The following SHANK2 variants were observed in gnomAD, a reference collection of about 807,000 sequenced individuals.
The protein encoded by SHANK2 is SH3 and multiple ankyrin repeat domains 2.
SHANK2 carries 43 observed loss-of-function variants against 133.7 expected under a neutral mutation model. The ratio of observed to expected loss-of-function variants is 0.32; its 90% CI spans 0.25 to 0.41. SHANK2 has a LOEUF of 0.41. SHANK2 is among the 10% of genes least tolerant of loss of function. The probability of loss-of-function intolerance (pLI) is 1.00; values close to 1 mark genes in which losing one functional copy is unlikely to be tolerated. For synonymous variants in SHANK2, 1,017 were observed against 952.8 expected (o/e 1.07, Z -1.24); for missense variants, 1,994 against 2,235.8 (o/e 0.89, Z 2.18).
intron 14 of SHANK2, among the ~76,000 whole-genome samples, chr11:70,764,510 T>C: frequency 7.3e-6 from 1 of 137,812 alleles, no homozygotes; most frequent in African/African-American, 2.8e-5. Context: ...CTCTCTCTTC[T>C]ATCCATCTAT....
At chr11:70,732,147 C>T (rs1322756341) in intron 14 of SHANK2, among the ~76,000 whole-genome samples, 5 of 152,190 alleles carry the variant, frequency 3.3e-5, no homozygotes, top group Non-Finnish European at 7.3e-5. Flanking sequence ...CCCTGACACA[C>T]TACAGGCTGC....
chr11:70,499,791 AG>A (rs1418339714), intron 21 of SHANK2, among the ~76,000 whole-genome samples: 2 of 152,220 alleles, frequency 1.3e-5, no homozygotes, highest in African/African-American at 4.8e-5. Context: ...GGGATGACAC[AG>A]GTCGGGACAG....
At chr11:71,123,411 G>A (rs1344654105) in intron 3 of SHANK2, among the ~76,000 whole-genome samples, 1 of 152,192 alleles carries the variant, frequency 6.6e-6, no homozygotes, top group Non-Finnish European at 1.5e-5. Context: ...AGTAAGTGAC[G>A]CTGCTTGGTA....
intron 6 of SHANK2, among the ~76,000 whole-genome samples, chr11:71,100,748 T>G (rs1454791551): frequency 6.6e-6 from 1 of 151,674 alleles, no homozygotes; most frequent in Non-Finnish European, 1.5e-5. Flanking sequence ...ACGCCTGTAG[T>G]CCCAGCTACT....
At chr11:70,846,494 G>A (rs782382623) in intron 11 of SHANK2, among the ~76,000 whole-genome samples, 13 of 152,134 alleles carry the variant, frequency 8.5e-5, no homozygotes, top group South Asian at 4.2e-4. Flanking sequence ...GGCCTCAAGC[G>A]ATCCTCCCAC....
chr11:70,545,524 CCT>C (rs1401839663), intron 17 of SHANK2, among the ~76,000 whole-genome samples: 25 of 152,134 alleles, frequency 1.6e-4, no homozygotes, highest in Admixed American at 6.5e-4. Context: ...GGTTTTCTCC[CCT>C]GAGAGCAGCT....
chr11:70,647,279 T>A (rs1555008679), intron 17 of SHANK2: 1 of 152,266 alleles, frequency 6.6e-6, no homozygotes, highest in African/African-American at 2.4e-5. Context: ...GTGCATAACT[T>A]TTGTTCCTTC....
intron 2 of SHANK2, among the ~76,000 whole-genome samples, chr11:71,205,908 T>C (rs1206787749): frequency 6.6e-6 from 1 of 152,008 alleles, no homozygotes; most frequent in Non-Finnish European, 1.5e-5. Flanking sequence ...CTCAGCCCTG[T>C]GTCCCCCCAG....
At chr11:70,947,501 T>A (rs1206071593) in intron 10 of SHANK2, among the ~76,000 whole-genome samples, 13 of 152,034 alleles carry the variant, frequency 8.6e-5, no homozygotes, top group African/African-American at 3.1e-4. Context: ...TACAGGCATG[T>A]GCCACCACCA....
intron 14 of SHANK2, among the ~76,000 whole-genome samples, chr11:70,750,673 C>G (rs1946734988): frequency 6.6e-6 from 1 of 152,150 alleles, no homozygotes; most frequent in African/African-American, 2.4e-5. Flanking sequence ...CTTCTAGGCT[C>G]AGCTCCAAGT....
chr11:70,596,758 A>G (rs977534328), intron 17 of SHANK2, among the ~76,000 whole-genome samples: 1 of 151,964 alleles, frequency 6.6e-6, no homozygotes, highest in African/African-American at 2.4e-5. Flanking sequence ...GGTCACGGGC[A>G]CTTTGGTGGG....
intron 10 of SHANK2, among the ~76,000 whole-genome samples, chr11:70,943,259 C>G (rs1950673093): frequency 6.6e-6 from 1 of 152,100 alleles, no homozygotes; most frequent in African/African-American, 2.4e-5. Flanking sequence ...GGCTCAGCAG[C>G]AGAGAGGGTG....
Position 71,252,492 on chromosome 11 carries a change from G to A in SHANK2, c.-180C>T, listed in dbSNP as rs1948202352. 3 of 151,268 alleles carry A rather than the reference G, an allele frequency of 2.0e-5. No individual in the cohort carries two copies. Among genetic ancestry groups the A allele is most frequent in the Non-Finnish European group, 4.4e-5 (3 of 67,744 alleles). 9.4% of individuals were successfully genotyped at this position (151,268 alleles called of 1,614,324 possible). On this transcript the variant is annotated 5_prime_UTR_variant, in exon 1 of 26. Coordinates refer to ENST00000601538, the MANE Select transcript of SHANK2 (RefSeq NM_012309.5). The surrounding 1 kb of genome is among the most constrained non-coding windows in gnomAD (Gnocchi z 6.3). The stretch of plus-strand genomic sequence containing the variant: ...GCCAGCGTCCGCGCACACCTGGATC[G>A]GCCGCGGGAACCCGAGCGGCGCCGC...
chr11:70,757,880 G>T (rs1946907788), intron 14 of SHANK2, among the ~76,000 whole-genome samples: 1 of 152,158 alleles, frequency 6.6e-6, no homozygotes, highest in Admixed American at 6.5e-5. Context: ...AGACCAGGAG[G>T]CCTGGACAAC....
intron 15 of SHANK2, among the ~76,000 whole-genome samples, chr11:70,695,810 C>T (rs966486959): frequency 4.6e-5 from 7 of 152,214 alleles, no homozygotes; most frequent in Admixed American, 6.5e-5. Context: ...ATAAGCAGGG[C>T]TGTTGTGACT....
At chr11:70,493,399 A>G (rs1171216880) in intron 21 of SHANK2, among the ~76,000 whole-genome samples, 1 of 150,896 alleles carries the variant, frequency 6.6e-6, no homozygotes, top group African/African-American at 2.4e-5. Flanking sequence ...AAAGAAAACC[A>G]AAGTTTAGTT....
intron 23 of SHANK2, chr11:70,489,649 G>T: frequency 2.1e-6 from 1 of 483,648 alleles, no homozygotes; most frequent in Non-Finnish European, 3.7e-6. Context: ...GCTTCTACCA[G>T]AATTGACACA....
chr11:71,077,008 AAGAG>A (rs1171688882), intron 8 of SHANK2, among the ~76,000 whole-genome samples: 1 of 152,220 alleles, frequency 6.6e-6, no homozygotes, highest in East Asian at 1.9e-4. Context: ...AAAGGAAAGA[AAGAG>A]AGAAAGAGAG....
chr11:70,819,080 C>T (rs1446429071), intron 12 of SHANK2, among the ~76,000 whole-genome samples: 1 of 152,194 alleles, frequency 6.6e-6, no homozygotes. Flanking sequence ...GGCTTTGAGG[C>T]CAGGGAGGAA....
Sources: gnomAD v4.1 joint callset for allele counts (sites outside exome capture counted in the v4.1 genomes callset) on GRCh38, gnomAD v4.1.1 for gene constraint, Gnocchi (gnomAD v3.1) non-coding constraint, MANE v1.5 for transcripts, NCBI Gene and HGNC (gene_info 2026-07-23, HGNC 2026-07-21) for gene names.